Variants in TPD52L1 observed in about 807,000 individuals in gnomAD.
The protein encoded by TPD52L1 is tumor protein D53.
A neutral mutation model predicts 28.7 loss-of-function variants in TPD52L1; 18 were observed. That is an observed-to-expected ratio of 0.63 (90% confidence interval 0.43 to 0.93). TPD52L1 has a LOEUF of 0.93. Ranked by LOEUF, TPD52L1 falls within the 40% of genes least tolerant of loss-of-function variation. The pLI, the probability that TPD52L1 is intolerant of heterozygous loss-of-function variation, is 0.00. For missense variants in TPD52L1, 203 were observed against 254.8 expected (o/e 0.80, Z 1.39); for synonymous variants, 75 against 88.8 (o/e 0.84, Z 0.88).
chr6:125,261,193 C>G (rs1050548180), intron 6 of TPD52L1: 1 of 151,986 alleles, frequency 6.6e-6, no homozygotes, highest in Non-Finnish European at 1.5e-5. Context: ...TGGCCCTTTA[C>G]AGGTAGAGTT....
At chr6:125,184,382 T>C (rs1244083589) in intron 1 of TPD52L1, among the ~76,000 whole-genome samples, 1 of 152,156 alleles carries the variant, frequency 6.6e-6, no homozygotes. Context: ...AACTGATGCC[T>C]CCAAGACTGT....
At chr6:125,230,671 A>G (rs781031893) in intron 3 of TPD52L1, among the ~76,000 whole-genome samples, 1 of 152,210 alleles carries the variant, frequency 6.6e-6, no homozygotes, top group Non-Finnish European at 1.5e-5. Flanking sequence ...AATTGGGTCT[A>G]AAACGAGCAT....
intron 1 of TPD52L1, among the ~76,000 whole-genome samples, chr6:125,185,615 G>A (rs1792548563): frequency 6.6e-6 from 1 of 151,664 alleles, no homozygotes; most frequent in Non-Finnish European, 1.5e-5. Context: ...AAGAGAGACT[G>A]CCAATAATAA....
intron 6 of TPD52L1, chr6:125,262,493 C>A: frequency 6.0e-6 from 1 of 167,396 alleles, no homozygotes; most frequent in East Asian, 1.7e-4. Flanking sequence ...AATCTAATTC[C>A]ATTTTGATTA....
At position 125,262,978 on chromosome 6, in the gene TPD52L1, A is replaced by G. The variant is rs2115086192; in HGVS notation, c.*16A>G. The G allele has an allele frequency of 6.2e-7, 1 of 1,607,930 alleles. No homozygotes were observed. The highest frequency in any genetic ancestry group is 1.1e-5 in the South Asian group (1 of 90,404). On this transcript the variant is annotated 3_prime_UTR_variant, in exon 7 of 7. Transcript: ENST00000534000. ...GCAGTGCTAAGTCCAGCCAGCGTGC[A>G]GCTGCATCCAGAAACCGGCCACTAC...
At chr6:125,202,082 C>A (rs1793829929) in intron 1 of TPD52L1, among the ~76,000 whole-genome samples, 2 of 152,108 alleles carry the variant, frequency 1.3e-5, no homozygotes, top group African/African-American at 4.8e-5. Flanking sequence ...AGGCATGGGT[C>A]CAGGCGTGAT....
At chr6:125,166,180 G>C (rs1158901771) in intron 1 of TPD52L1, among the ~76,000 whole-genome samples, 1 of 152,154 alleles carries the variant, frequency 6.6e-6, no homozygotes, top group Non-Finnish European at 1.5e-5. Flanking sequence ...TTGGGATGGG[G>C]GTAGTGGGAG....
chr6:125,159,519 G>A (rs911490876), intron 1 of TPD52L1, among the ~76,000 whole-genome samples: 3 of 152,086 alleles, frequency 2.0e-5, no homozygotes, highest in African/African-American at 4.8e-5. Flanking sequence ...CATTCAGGAG[G>A]GTTGGAGTCC....
intron 1 of TPD52L1, among the ~76,000 whole-genome samples, chr6:125,214,033 T>A (rs1232537880): frequency 6.6e-6 from 1 of 152,122 alleles, no homozygotes; most frequent in Non-Finnish European, 1.5e-5. Flanking sequence ...AACCAGACGA[T>A]GGCTGAGCTG....
At chr6:125,172,154 TTCTTTTC>T (rs1221812796) in intron 1 of TPD52L1, among the ~76,000 whole-genome samples, 9 of 50,704 alleles carry the variant, frequency 1.8e-4, no homozygotes, top group African/African-American at 4.2e-4. Flanking sequence ...CTTTCTTTCT[TTCTTTTC>T]TTTCTTTCTT....
Position 125,229,155 on chromosome 6 carries a change from CA to C in TPD52L1, c.174del (p.Ala59ArgfsTer6). On this transcript the variant is annotated frameshift_variant, in exon 3 of 7. Coordinates refer to ENST00000534000, the MANE Select transcript of TPD52L1 (RefSeq NM_003287.4). LOFTEE classifies it high-confidence loss of function. ...DEITTLRQVL[S>X]AKERHLVEIK... Reference sequence around the variant, plus strand: ...ATTACAACACTACGACAAGTTTTGTCAGCGAAAGAAAGGCATCTAGTTGAGA... The same window carrying C: ...ATTACAACACTACGACAAGTTTTGTCGCGAAAGAAAGGCATCTAGTTGAGA... 6.2e-7 allele frequency: 1 copy of C among 1,613,290 alleles called. No individual in the cohort carries two copies. Among genetic ancestry groups the C allele is most frequent in the South Asian group, 1.1e-5 (1 of 90,946 alleles).
chr6:125,190,289 G>A (rs1582892809), intron 1 of TPD52L1, among the ~76,000 whole-genome samples: 1 of 152,194 alleles, frequency 6.6e-6, no homozygotes, highest in East Asian at 1.9e-4. Flanking sequence ...GTTGTCCCTG[G>A]TGGTCCATTT....
At chr6:125,261,396 T>G (rs1798048211) in intron 6 of TPD52L1, 1 of 152,194 alleles carries the variant, frequency 6.6e-6, no homozygotes, top group South Asian at 2.1e-4. Context: ...CTGTGAGTGA[T>G]CACTTTGGTG....
intron 1 of TPD52L1, among the ~76,000 whole-genome samples, chr6:125,195,887 G>A (rs1462462065): frequency 6.6e-6 from 1 of 152,214 alleles, no homozygotes. Flanking sequence ...AGCCAGGCCA[G>A]TTGTTGCCCA....
chr6:125,153,865 A>C lies in TPD52L1; in HGVS notation c.-87A>C. The C allele has an allele frequency of 3.4e-6, 5 of 1,478,728 alleles. No individual in the cohort carries two copies. The highest frequency in any genetic ancestry group is 2.5e-5 in the East Asian group (1 of 39,550). The allele number at this position is 1,478,728 out of a possible 1,614,324, so 91.6% of individuals were successfully genotyped here. ...AGGAGTGGGAGCGAGCGGCGGGGCCAGCTGCGTTCTGAGCCTGGGCGCAGC... is the reference window on the plus strand; with the variant it reads ...AGGAGTGGGAGCGAGCGGCGGGGCCCGCTGCGTTCTGAGCCTGGGCGCAGC... On this transcript the variant is annotated 5_prime_UTR_variant, in exon 1 of 7. Coordinates refer to ENST00000534000, the MANE Select transcript of TPD52L1 (RefSeq NM_003287.4).
chr6:125,231,407 G>A (rs73579711), intron 3 of TPD52L1, among the ~76,000 whole-genome samples: 2,021 of 152,330 alleles, frequency 0.013, 9 homozygotes, highest in African/African-American at 0.02. Context: ...ACTGGAAATA[G>A]AGCTGGCAAG....
At chr6:125,168,306 A>G (rs1791039957) in intron 1 of TPD52L1, among the ~76,000 whole-genome samples, 1 of 152,168 alleles carries the variant, frequency 6.6e-6, no homozygotes, top group African/African-American at 2.4e-5. Flanking sequence ...TTGACCCATC[A>G]TAACGGGCTC....
chr6:125,190,258 C>T (rs1002008221), intron 1 of TPD52L1, among the ~76,000 whole-genome samples: 1 of 152,012 alleles, frequency 6.6e-6, no homozygotes, highest in Non-Finnish European at 1.5e-5. Context: ...ATTTTGTGAC[C>T]AGACCCAAAT....
chr6:125,217,968 A>T (rs1207664374), intron 1 of TPD52L1, among the ~76,000 whole-genome samples: 1 of 152,162 alleles, frequency 6.6e-6, no homozygotes, highest in Non-Finnish European at 1.5e-5. Context: ...AATGCACCAC[A>T]GTATGCTTAT....
Sources: allele counts gnomAD v4.1 joint callset (sites outside exome capture counted in the v4.1 genomes callset), GRCh38; gene constraint gnomAD v4.1.1; transcripts MANE v1.5; gene names NCBI Gene and HGNC (gene_info 2026-07-23, HGNC 2026-07-21).